The following ZNF583 variants were observed in gnomAD, a reference collection of about 807,000 sequenced individuals.
ZNF583 encodes the protein zinc finger protein 583.
Under a neutral mutation model 55.3 loss-of-function variants are expected in ZNF583, and 30 were observed. That is an observed-to-expected ratio of 0.54 (90% CI 0.41 to 0.74). The LOEUF is 0.74. ZNF583 is among the 30% of genes least tolerant of loss of function. ZNF583 has a pLI of 0.00. For missense variants in ZNF583, 504 were observed against 664.7 expected (o/e 0.76, Z 2.66); for synonymous variants, 208 against 220.0 (o/e 0.95, Z 0.48).
chr19:56,424,047 C>G lies in ZNF583; in HGVS notation c.1389C>G (p.Pro463=). ...AGAGAAGTCATACTGGAGAAAAACC[C>G]TATATGTGTAAGGAATGTAGGAAAA... ...QHQRSHTGEK[P]YMCKECRKTF... Residue 463 remains proline, a synonymous_variant, in exon 5 of 5, where the codon CCC becomes CCG. Coordinates refer to ENST00000333201, the MANE Select transcript of ZNF583 (RefSeq NM_152478.3). The G allele has an allele frequency of 1.2e-6, 2 of 1,613,840 alleles. No individual in the cohort carries two copies. Among genetic ancestry groups the G allele is most frequent in the Non-Finnish European group, 8.5e-7 (1 of 1,179,946 alleles).
rs35096926 is a variant in ZNF583, at chr19:56,414,861, CAA to C, written c.232+442_232+443del. The C allele has an allele frequency of 1.7e-3, 109 of 64,274 alleles. 1 individual carries two copies. Among genetic ancestry groups the C allele is most frequent in the Middle Eastern group, 0.011 (1 of 94 alleles). The allele number at this position is 64,274 out of a possible 1,614,324, so 4.0% of individuals were successfully genotyped here. A position where few individuals can be genotyped will look rare whatever the true frequency, so the allele number is the denominator to read the frequency against. On this transcript the variant is annotated intron_variant, in intron 4 of 4. Coordinates refer to ENST00000333201, the MANE Select transcript of ZNF583 (RefSeq NM_152478.3). ...GGGCAACATGGCAAAACTAAAAATACAAAAAAAAAAAAAAAAAAAAAATTAGC... is the reference window on the plus strand; with the variant it reads ...GGGCAACATGGCAAAACTAAAAATACAAAAAAAAAAAAAAAAAAAATTAGC...
At position 56,414,460 on chromosome 19, in the gene ZNF583, GGA is replaced by G; in HGVS notation, c.232+23_232+24del. On this transcript the variant is annotated intron_variant, in intron 4 of 4. Coordinates refer to ENST00000333201, the MANE Select transcript of ZNF583 (RefSeq NM_152478.3). ...GCCCTGGTGAGTGAGAGAGAAATAG[GGA>G]GACAGAAGCCATTGCCAGGAAAAGC... 6.3e-7 allele frequency: 1 copy of G among 1,599,536 alleles called. No individual in the cohort carries two copies. The highest frequency in any genetic ancestry group is 1.1e-5 in the South Asian group (1 of 89,444).
intron 1 of ZNF583, among the ~76,000 whole-genome samples, chr19:56,406,134 G>A (rs970208880): frequency 1.3e-5 from 2 of 152,208 alleles, no homozygotes; most frequent in African/African-American, 2.4e-5. Context: ...TTAGTTTTCA[G>A]TTGTGGGTTG....
chr19:56,423,028 A>G lies in ZNF583; in HGVS notation c.370A>G (p.Ser124Gly). 6.2e-7 allele frequency: 1 copy of G among 1,614,048 alleles called. No individual in the cohort carries two copies. The highest frequency in any genetic ancestry group is 8.5e-7 in the Non-Finnish European group (1 of 1,179,942). Residue 124 changes from serine to glycine, a missense_variant, in exon 5 of 5, where the codon AGT (serine) becomes GGT (glycine). Physicochemically the swap from Ser to Gly is moderately conservative, Grantham distance 56 (BLOSUM62 0). Transcript: ENST00000333201. Reference protein sequence around the residue: ...DYPSLREDCQSEDWYKNQLGS... With the variant: ...DYPSLREDCQGEDWYKNQLGS... ...TCCCAGTTTGAGAGAAGACTGTCAA[A>G]GTGAGGACTGGTATAAGAACCAGCT...
chr19:56,419,155 T>A (rs2042373975), intron 4 of ZNF583, among the ~76,000 whole-genome samples: 1 of 152,110 alleles, frequency 6.6e-6, no homozygotes, highest in South Asian at 2.1e-4. Flanking sequence ...TATTAAAGAT[T>A]TTGCCTTATG....
rs2042475881 is a variant in ZNF583, at chr19:56,424,606, C to A, written c.*238C>A. ...ATCCCATGGTTTTTAAGTTAAAGCACACATTCTTCAAAATAGCCTAAAAAC... is the reference window on the plus strand; with the variant it reads ...ATCCCATGGTTTTTAAGTTAAAGCAAACATTCTTCAAAATAGCCTAAAAAC... On this transcript the variant is annotated 3_prime_UTR_variant, in exon 5 of 5. Coordinates refer to ENST00000333201, the MANE Select transcript of ZNF583 (RefSeq NM_152478.3). The A allele has an allele frequency of 2.3e-6, 1 of 432,214 alleles. No individual in the cohort carries two copies. Among genetic ancestry groups the A allele is most frequent in the African/African-American group, 2.0e-5 (1 of 49,882 alleles). 26.8% of individuals were successfully genotyped at this position (432,214 alleles called of 1,614,324 possible). A position where few individuals can be genotyped will look rare whatever the true frequency, so the allele number is the denominator to read the frequency against.
At chr19:56,406,595 C>T (rs950339977) in intron 1 of ZNF583, among the ~76,000 whole-genome samples, 7 of 141,554 alleles carry the variant, frequency 4.9e-5, no homozygotes, top group Non-Finnish European at 1.0e-4. Flanking sequence ...TGTGGTGGCG[C>T]GATCTTGGCT....
At chr19:56,421,973 A>G (rs559712335) in intron 4 of ZNF583, among the ~76,000 whole-genome samples, 21 of 152,286 alleles carry the variant, frequency 1.4e-4, no homozygotes, top group East Asian at 9.7e-4. Context: ...AAGAAGTGCA[A>G]TGAGAGAAGG....
chr19:56,407,397 T>G (rs1455694625), intron 2 of ZNF583, among the ~76,000 whole-genome samples: 1 of 152,236 alleles, frequency 6.6e-6, no homozygotes, highest in Non-Finnish European at 1.5e-5. Flanking sequence ...ATACACTCAT[T>G]GGCATATGTA....
chr19:56,415,318 T>C (rs1487728427), intron 4 of ZNF583, among the ~76,000 whole-genome samples: 1 of 152,070 alleles, frequency 6.6e-6, no homozygotes, highest in Non-Finnish European at 1.5e-5. Flanking sequence ...ATGAAAAATT[T>C]GGCTGTGGAC....
At chr19:56,406,436 A>G (rs2042149781) in intron 1 of ZNF583, among the ~76,000 whole-genome samples, 1 of 152,140 alleles carries the variant, frequency 6.6e-6, no homozygotes, top group East Asian at 1.9e-4. Flanking sequence ...AAGAGGGGGA[A>G]ATCCTTGCTT....
rs1285451728 is a variant in ZNF583 at position 56,404,653 on chromosome 19, G to A, written c.-90+201G>A. 6.6e-6 allele frequency among the ~76,000 whole-genome samples: 1 copy of A among 152,128 alleles called. No homozygotes were observed. Among genetic ancestry groups the A allele is most frequent in the Admixed American group, 6.5e-5 (1 of 15,282 alleles). On this transcript the variant is annotated intron_variant, in intron 1 of 4. Coordinates refer to ENST00000333201, the MANE Select transcript of ZNF583 (RefSeq NM_152478.3). This position sits in a 1 kb window ranked among gnomAD's most constrained non-coding sequence, Gnocchi z 5.2. The stretch of plus-strand genomic sequence containing the variant: ...TGTGACAGTGTGAGAATGTGAGGCC[G>A]TGTGTGAATATGTGTGTCAGTGTGA...
intron 2 of ZNF583, among the ~76,000 whole-genome samples, chr19:56,410,517 T>C (rs1445224890): frequency 2.6e-5 from 4 of 151,908 alleles, no homozygotes; most frequent in African/African-American, 9.7e-5. Flanking sequence ...CTGGCCAACA[T>C]GGTGAAACCC....
intron 4 of ZNF583, among the ~76,000 whole-genome samples, chr19:56,418,298 G>A (rs573054589): frequency 6.6e-6 from 1 of 152,052 alleles, no homozygotes; most frequent in Non-Finnish European, 1.5e-5. Context: ...CTTGAAGTTG[G>A]GTGTAATGGT....
chr19:56,414,149 G>A lies in ZNF583; in HGVS notation c.136+64G>A, dbSNP rs1600363779. 5.8e-6 allele frequency: 9 copies of A among 1,547,668 alleles called. No individual in the cohort carries two copies. In the East Asian group the frequency reaches 2.0e-4, roughly 35 times the overall value. ...GACTGAGCTCCAATGTAATATTTGG[G>A]AAACCTCTGACGTGCTTCACTAAAT... is the stretch of plus-strand genomic sequence containing the variant. On this transcript the variant is annotated intron_variant, in intron 3 of 4. Transcript: ENST00000333201.
chr19:56,424,022 A>G lies in ZNF583; in HGVS notation c.1364A>G (p.Gln455Arg). The change falls in exon 5 of 5, where the codon CAG becomes CGG. Residue 455 changes from glutamine to arginine, a missense_variant. Around this residue, in one of 3 missense-constraint regions of ZNF583, gnomAD observed 237 missense variants for 373.0 expected, o/e 0.64. Transcript: ENST00000333201. The part of the protein sequence containing the change: ...FSNSSSLAQH[Q>R]RSHTGEKPYM... ...AATAGTTCATCACTTGCACAACATC[A>G]GAGAAGTCATACTGGAGAAAAACCC... 6.2e-7 allele frequency: 1 copy of G among 1,614,144 alleles called. No homozygotes were observed. The highest frequency in any genetic ancestry group is 8.5e-7 in the Non-Finnish European group (1 of 1,180,010).
At position 56,424,899 on chromosome 19, in the gene ZNF583, T is replaced by C. The variant is rs2042479479; in HGVS notation, c.*531T>C. The C allele has an allele frequency of 6.5e-6, 1 of 154,242 alleles. No homozygotes were observed. 9.6% of individuals were successfully genotyped at this position (154,242 alleles called of 1,614,324 possible). On this transcript the variant is annotated 3_prime_UTR_variant, in exon 5 of 5. Transcript: ENST00000333201. ...GAAGAATGAAATAATGCATGTAAAT[T>C]GCTCAGCAGCGTGCCTAGCATAAAG...
Position 56,424,304 on chromosome 19 carries a change from CTCTT to C in ZNF583, c.1649_1652del (p.Leu550ProfsTer15). 1.2e-6 allele frequency: 2 copies of C among 1,610,740 alleles called. No homozygotes were observed. Among genetic ancestry groups the C allele is most frequent in the Non-Finnish European group, 1.7e-6 (2 of 1,177,152 alleles). On this transcript the variant is annotated frameshift_variant, in exon 5 of 5. Coordinates refer to ENST00000333201, the MANE Select transcript of ZNF583 (RefSeq NM_152478.3). LOFTEE classifies it high-confidence loss of function. Reference sequence around the variant, plus strand: ...ATTCATACTATGGAGTCATTCTTGACTCTTTCCTCTCCCTCACCCTCCACATCAA... The same window carrying C: ...ATTCATACTATGGAGTCATTCTTGACTCCTCTCCCTCACCCTCCACATCAA...
At chr19:56,420,545 A>G (rs1028479662) in intron 4 of ZNF583, among the ~76,000 whole-genome samples, 2 of 152,106 alleles carry the variant, frequency 1.3e-5, no homozygotes, top group African/African-American at 4.8e-5. Context: ...AGGATTACCT[A>G]TTTCTTACAC....
Sources: allele counts gnomAD v4.1 joint callset (sites outside exome capture counted in the v4.1 genomes callset), GRCh38; gene constraint gnomAD v4.1.1; regional missense constraint gnomAD v4.1.1; non-coding constraint Gnocchi (gnomAD v3.1); transcripts MANE v1.5; gene names NCBI Gene and HGNC (gene_info 2026-07-23, HGNC 2026-07-21).